EHD3: variants seen among roughly 807,000 people sequenced by gnomAD.
The protein encoded by EHD3 is EH domain-containing protein 3.
In EHD3, 17 loss-of-function variants were observed where a neutral mutation model predicts 43.0. The observed-to-expected ratio is 0.40, with a 90% confidence interval of 0.27 to 0.59. The LOEUF is 0.59. Among genes scored for constraint, EHD3 ranks in the 20% least tolerant of loss-of-function variants. The probability of loss-of-function intolerance (pLI) is 0.49; values close to 1 mark genes in which losing one functional copy is unlikely to be tolerated. For missense variants in EHD3, 594 were observed against 705.6 expected (o/e 0.84, Z 1.79); for synonymous variants, 313 against 289.5 (o/e 1.08, Z -0.82).
At chr2:31,261,870 G>A (rs1412490809) in intron 5 of EHD3, among the ~76,000 whole-genome samples, 157 bp downstream of exon 5, 2 of 152,192 alleles carry the variant, frequency 1.3e-5, no homozygotes, top group Non-Finnish European at 2.9e-5. Flanking sequence ...TCCTAGCTGG[G>A]CCATCACTGG....
rs1031522509 is a variant in EHD3, at chr2:31,261,594, G to C, written c.961G>C (p.Val321Leu). ...CTCTCTGAAGAAGGAGATGCCCTCG[G>C]TGTTCGGGAAGGACAACAAGAAGAA... ...ISSLKKEMPS[V>L]FGKDNKKKEL... is the part of the protein sequence containing the mutation. The change falls in exon 5 of 6, where the codon GTG (valine) becomes CTG (leucine). Residue 321 changes from valine to leucine, a missense_variant. Val to Leu is a conservative substitution (Grantham distance 32). Coordinates refer to ENST00000322054, the MANE Select transcript of EHD3 (RefSeq NM_014600.3). The C allele has an allele frequency of 6.2e-7, 1 of 1,614,120 alleles. No homozygotes were observed. Among genetic ancestry groups the C allele is most frequent in the African/African-American group, 1.3e-5 (1 of 74,946 alleles).
At chr2:31,263,388 A>C (rs3769619) in intron 5 of EHD3, among the ~76,000 whole-genome samples, 2 of 152,090 alleles carry the variant, frequency 1.3e-5, no homozygotes, top group East Asian at 3.9e-4. Context: ...TGCCAGTTCA[A>C]TATTCTGTTC....
At position 31,266,203 on chromosome 2, in the gene EHD3, C is replaced by T; in HGVS notation, c.1107C>T (p.Ser369=). 1 of 1,612,310 alleles carries T rather than the reference C, an allele frequency of 6.2e-7. No homozygotes were observed. The highest frequency in any genetic ancestry group is 1.3e-5 in the African/African-American group (1 of 75,040). The change falls in exon 6 of 6, where the codon AGC becomes AGT. Residue 369 remains serine (S), a synonymous_variant. Transcript: ENST00000322054. The surrounding 1 kb of genome is among the most constrained non-coding windows in gnomAD (Gnocchi z 5.1). ...ACCAGCTGCAGGCCCAGGACTTTAG[C>T]AAGTTCCAGCCGCTGAAGAGCAAGC... ...MQDQLQAQDF[S]KFQPLKSKLL...
In EHD3 at chr2:31,269,160, G is replaced by C. The variant is rs1167071370; in HGVS notation, c.*2456G>C. The C allele has an allele frequency of 6.6e-6, 1 of 152,188 alleles. No homozygotes were observed. 9.4% of individuals were successfully genotyped at this position (152,188 alleles called of 1,614,324 possible). On this transcript the variant is annotated 3_prime_UTR_variant, in exon 6 of 6. Coordinates refer to ENST00000322054, the MANE Select transcript of EHD3 (RefSeq NM_014600.3). ...GCCTCAGCCCAGGAAACATTTAATA[G>C]GGAAAGCAGAGACATGTCATGTCAG...
At chr2:31,259,122 G>C (rs1263601246) in intron 3 of EHD3, among the ~76,000 whole-genome samples, 9 of 152,144 alleles carry the variant, frequency 5.9e-5, no homozygotes, top group Non-Finnish European at 1.0e-4. Flanking sequence ...TGGAACCCTT[G>C]TGCTATGGGG....
chr2:31,257,341 G>A (rs942589541), intron 3 of EHD3, among the ~76,000 whole-genome samples: 4 of 152,234 alleles, frequency 2.6e-5, no homozygotes, highest in Non-Finnish European at 4.4e-5. Flanking sequence ...ATGGACAGAG[G>A]GATGTAGGAA....
intron 3 of EHD3, among the ~76,000 whole-genome samples, chr2:31,251,089 C>T (rs1044098462): frequency 6.6e-6 from 1 of 152,234 alleles, no homozygotes; most frequent in Non-Finnish European, 1.5e-5. Context: ...GCCAGTGCTC[C>T]TGCAGTTGTG....
Position 31,249,371 on chromosome 2 carries a change from G to T in EHD3, c.405G>T (p.Arg135Ser). ...LNAFGNAFLN[R>S]FVCAQLPNPV... ...ACCCAGGTTACCTCTGCCCATGCAG[G>T]TTCGTGTGTGCCCAGCTACCTAACC... is the stretch of plus-strand genomic sequence containing the variant. The change falls in exon 3 of 6, where the codon AGG becomes AGT. Residue 135 changes from arginine (R) to serine (S), a missense_variant and splice_region_variant. Physicochemically the swap from Arg to Ser is moderately radical, Grantham distance 110 (BLOSUM62 -1). Coordinates refer to ENST00000322054, the MANE Select transcript of EHD3 (RefSeq NM_014600.3). 1 of 1,614,038 alleles carries T rather than the reference G, an allele frequency of 6.2e-7. No individual in the cohort carries two copies.
At chr2:31,243,203 G>A (rs991707676) in intron 1 of EHD3, among the ~76,000 whole-genome samples, 4 of 152,070 alleles carry the variant, frequency 2.6e-5, no homozygotes, top group Non-Finnish European at 5.9e-5. Context: ...ACTTGAACCT[G>A]GGAGGTGGAG....
chr2:31,252,695 T>G (rs188136215), intron 3 of EHD3, among the ~76,000 whole-genome samples: 1 of 152,304 alleles, frequency 6.6e-6, no homozygotes, highest in East Asian at 1.9e-4. Flanking sequence ...TGCCTTTGTC[T>G]TTGGACCCCA....
At chr2:31,256,671 C>G (rs976512420) in intron 3 of EHD3, among the ~76,000 whole-genome samples, 6 of 152,228 alleles carry the variant, frequency 3.9e-5, no homozygotes, top group Non-Finnish European at 7.3e-5. Flanking sequence ...GCAGCATGGA[C>G]ATATTGCTGC....
intron 1 of EHD3, 144 bp from the exon 2 acceptor site, chr2:31,244,130 A>G: frequency 1.6e-6 from 1 of 642,490 alleles, no homozygotes; most frequent in Non-Finnish European, 2.5e-6. Context: ...CTTGTTATCC[A>G]GCAGGCATTT....
At chr2:31,252,420 G>A (rs933815738) in intron 3 of EHD3, among the ~76,000 whole-genome samples, 2 of 152,188 alleles carry the variant, frequency 1.3e-5, no homozygotes, top group African/African-American at 4.8e-5. Flanking sequence ...GCCTTCCTCA[G>A]TTCCTATCCT....
chr2:31,239,564 T>C (rs758356693), intron 1 of EHD3, among the ~76,000 whole-genome samples: 21 of 152,124 alleles, frequency 1.4e-4, no homozygotes, highest in Non-Finnish European at 2.4e-4. Context: ...CCCATTCCCA[T>C]TGACAGTGGG....
In EHD3 at chr2:31,266,124, A is replaced by AGG; in HGVS notation, c.1081-51_1081-50dup. 1 of 1,546,006 alleles carries AGG rather than the reference A, an allele frequency of 6.5e-7. No individual in the cohort carries two copies. The highest frequency in any genetic ancestry group is 8.7e-7 in the Non-Finnish European group (1 of 1,143,750). ...CTCATAGGAGGCACGTGATAAATGG[A>AGG]GGGCTCTCCTTTCATCGTATCCTAT... On this transcript the variant is annotated intron_variant, in intron 5 of 5. Transcript: ENST00000322054. The surrounding 1 kb of genome is among the most constrained non-coding windows in gnomAD (Gnocchi z 5.1).
intron 1 of EHD3, among the ~76,000 whole-genome samples, chr2:31,239,365 C>T (rs1043098360): frequency 1.3e-5 from 2 of 152,204 alleles, no homozygotes; most frequent in Non-Finnish European, 2.9e-5. Flanking sequence ...CTAAAGGGGC[C>T]TGGGTGAAAA....
intron 5 of EHD3, among the ~76,000 whole-genome samples, chr2:31,264,909 T>C (rs1683917835): frequency 6.6e-6 from 1 of 152,210 alleles, no homozygotes; most frequent in Non-Finnish European, 1.5e-5. Context: ...ATTTTCTTTA[T>C]ATCCTTATTC....
intron 1 of EHD3, among the ~76,000 whole-genome samples, chr2:31,235,089 G>A (rs1345470668): frequency 6.6e-6 from 1 of 152,272 alleles, no homozygotes; most frequent in African/African-American, 2.4e-5. Flanking sequence ...TCAACCTGAA[G>A]TATTCAAGTG....
At position 31,241,586 on chromosome 2, in the gene EHD3, A is replaced by C. The variant is rs139773410; in HGVS notation, c.228-2688A>C. ...AAGAGCATAGTGCTGATATCATAGT[A>C]TGTGGGAAGGTGAAACGAGATAATC... On this transcript the variant is annotated intron_variant, in intron 1 of 5. Transcript: ENST00000322054. Among the ~76,000 whole-genome samples, 309 of 152,314 alleles carry C rather than the reference A, an allele frequency of 2.0e-3. 2 individuals carry two copies. Among genetic ancestry groups the C allele is most frequent in the African/African-American group, 7.1e-3 (293 of 41,560 alleles).
Sources: allele counts gnomAD v4.1 joint callset (sites outside exome capture counted in the v4.1 genomes callset), GRCh38; gene constraint gnomAD v4.1.1; non-coding constraint Gnocchi (gnomAD v3.1); transcripts MANE v1.5; gene names NCBI Gene and HGNC (gene_info 2026-07-23, HGNC 2026-07-21).